Variants in TANC2 observed in about 807,000 individuals in gnomAD.
TANC2 encodes protein TANC2.
Under a neutral mutation model 210.5 loss-of-function variants are expected in TANC2, and 26 were observed. That is an observed-to-expected ratio of 0.12 (90% CI 0.09 to 0.17). TANC2 has a LOEUF of 0.17. Among genes scored for constraint, TANC2 ranks in the 10% least tolerant of loss-of-function variants. TANC2 has a pLI of 1.00. For synonymous variants in TANC2, 931 were observed against 967.1 expected (o/e 0.96, Z 0.69); for missense variants, 2,129 against 2,608.9 (o/e 0.82, Z 4.01).
intron 4 of TANC2, among the ~76,000 whole-genome samples, chr17:63,147,939 T>G (rs902199883): frequency 2.6e-5 from 4 of 152,222 alleles, no homozygotes; most frequent in Non-Finnish European, 4.4e-5. Context: ...GAATCTGTGA[T>G]GACAACAGCA....
intron 3 of TANC2, among the ~76,000 whole-genome samples, chr17:63,079,638 C>G (rs1395605750): frequency 1.3e-5 from 2 of 152,184 alleles, no homozygotes; most frequent in East Asian, 1.9e-4. Flanking sequence ...GACAGCTGAT[C>G]CCCATATAGG....
chr17:63,262,257 G>A (rs2043382994), intron 8 of TANC2, among the ~76,000 whole-genome samples: 1 of 152,160 alleles, frequency 6.6e-6, no homozygotes, highest in South Asian at 2.1e-4. Context: ...GGTGCTCACT[G>A]CAGCCTCAAA....
At chr17:63,193,684 G>A (rs555711142) in intron 5 of TANC2, among the ~76,000 whole-genome samples, 1 of 152,286 alleles carries the variant, frequency 6.6e-6, no homozygotes, top group South Asian at 2.1e-4. Flanking sequence ...AACAAAGCCT[G>A]AATAAATATG....
chr17:62,982,732 A>G (rs888102850), intron 1 of TANC2, among the ~76,000 whole-genome samples: 4 of 152,092 alleles, frequency 2.6e-5, no homozygotes, highest in Non-Finnish European at 5.9e-5. Context: ...TTTTTCTGCA[A>G]TGTATGTTAT....
At chr17:62,983,545 G>C (rs1372286318) in intron 1 of TANC2, among the ~76,000 whole-genome samples, 1 of 151,978 alleles carries the variant, frequency 6.6e-6, no homozygotes, top group African/African-American at 2.4e-5. Flanking sequence ...TCTTGTTCTA[G>C]TTCTTAGAGG....
At chr17:62,980,261 C>T (rs1043797169) in intron 1 of TANC2, among the ~76,000 whole-genome samples, 2 of 152,216 alleles carry the variant, frequency 1.3e-5, no homozygotes, top group Non-Finnish European at 2.9e-5. Flanking sequence ...TTTCTTATTG[C>T]TGCATCTAGA....
intron 5 of TANC2, among the ~76,000 whole-genome samples, chr17:63,192,829 A>G (rs918925918): frequency 7.9e-5 from 12 of 152,232 alleles, no homozygotes; most frequent in African/African-American, 2.7e-4. Context: ...AAATAAATAT[A>G]TACTCTTATT....
intron 11 of TANC2, among the ~76,000 whole-genome samples, chr17:63,320,988 C>T (rs2045476054): frequency 6.6e-6 from 1 of 152,116 alleles, no homozygotes; most frequent in Non-Finnish European, 1.5e-5. Flanking sequence ...CATCTGAGGT[C>T]AGGAGTTTGA....
intron 2 of TANC2, among the ~76,000 whole-genome samples, chr17:63,071,017 G>GT (rs1256979067): frequency 3.2e-4 from 49 of 152,122 alleles, no homozygotes; most frequent in Admixed American, 6.5e-4. Flanking sequence ...TTTGATAAGA[G>GT]TAATTCATAT....
intron 7 of TANC2, among the ~76,000 whole-genome samples, chr17:63,214,167 A>G (rs540340170): frequency 2.6e-5 from 4 of 152,184 alleles, no homozygotes; most frequent in South Asian, 2.1e-4. Flanking sequence ...TCCCTATTGC[A>G]CAAAACCAGT....
intron 13 of TANC2, among the ~76,000 whole-genome samples, chr17:63,352,358 A>G (rs1180820930): frequency 6.6e-6 from 1 of 152,152 alleles, no homozygotes; most frequent in African/African-American, 2.4e-5. Flanking sequence ...ACTGTCTTCC[A>G]TGATGAGAAA....
At chr17:63,076,751 T>A (rs908620502) in intron 3 of TANC2, among the ~76,000 whole-genome samples, 2 of 152,148 alleles carry the variant, frequency 1.3e-5, no homozygotes, top group Non-Finnish European at 2.9e-5. Context: ...AGTGATATTA[T>A]GACTTTAAAA....
intron 2 of TANC2, among the ~76,000 whole-genome samples, chr17:63,042,673 C>G (rs945016408): frequency 6.6e-6 from 1 of 152,036 alleles, no homozygotes. Flanking sequence ...ATAAAAAACT[C>G]TTGTTAGTAT....
intron 11 of TANC2, among the ~76,000 whole-genome samples, chr17:63,328,374 A>ATG (rs1204956099): frequency 1.6e-5 from 2 of 121,254 alleles, no homozygotes; most frequent in East Asian, 2.0e-4. Flanking sequence ...GTGTATGTGT[A>ATG]TATGTGTGTG....
chr17:63,294,598 G>A (rs930458623), intron 9 of TANC2, among the ~76,000 whole-genome samples: 2 of 152,098 alleles, frequency 1.3e-5, no homozygotes, highest in African/African-American at 4.8e-5. Context: ...TATACAAAAT[G>A]GAAGAATTTT....
intron 14 of TANC2, among the ~76,000 whole-genome samples, chr17:63,364,866 A>AT (rs2047065264): frequency 6.6e-6 from 1 of 152,214 alleles, no homozygotes; most frequent in Non-Finnish European, 1.5e-5. Context: ...GTAAAAGGTA[A>AT]TAACTGCTTT....
At chr17:63,357,002 C>T (rs539792637) in intron 14 of TANC2, among the ~76,000 whole-genome samples, 11 of 152,176 alleles carry the variant, frequency 7.2e-5, no homozygotes, top group African/African-American at 2.6e-4. Context: ...TTTTGGAGCA[C>T]AAGATTTTAA....
chr17:63,145,449 C>G (rs2039433055), intron 4 of TANC2, among the ~76,000 whole-genome samples: 1 of 152,104 alleles, frequency 6.6e-6, no homozygotes, highest in South Asian at 2.1e-4. Context: ...TTTTCTCTTT[C>G]CAGATAAATT....
chr17:63,343,563 G>T (rs975645583), intron 12 of TANC2, among the ~76,000 whole-genome samples: 2 of 152,200 alleles, frequency 1.3e-5, no homozygotes, highest in African/African-American at 4.8e-5. Flanking sequence ...AACTATAAAA[G>T]CTGCATAACC....
Sources: gnomAD v4.1 joint callset for allele counts (sites outside exome capture counted in the v4.1 genomes callset) on GRCh38, gnomAD v4.1.1 for gene constraint, MANE v1.5 for transcripts, NCBI Gene and HGNC (gene_info 2026-07-23, HGNC 2026-07-21) for gene names.